STYXL2: variants seen among roughly 807,000 people sequenced by gnomAD.
STYXL2 encodes serine/threonine/tyrosine interacting like 2.
In STYXL2, 44 loss-of-function variants were observed where a neutral mutation model predicts 52.4. That is an observed-to-expected ratio of 0.84 (90% CI 0.66 to 1.08). STYXL2 has a LOEUF of 1.08. Ranked by LOEUF, STYXL2 falls within the 50% of genes least tolerant of loss-of-function variation. STYXL2 has a pLI of 0.00. For missense variants in STYXL2, 1,604 were observed against 1,471.7 expected (o/e 1.09, Z -1.47); for synonymous variants, 604 against 586.9 (o/e 1.03, Z -0.42).
Position 167,100,722 on chromosome 1 carries a change from T to C in STYXL2, c.110+5763T>C, listed in dbSNP as rs138018744. 6.2e-3 allele frequency among the ~76,000 whole-genome samples: 938 copies of C among 152,342 alleles called. 9 individuals are homozygous for C. The highest frequency in any genetic ancestry group is 0.021 in the African/African-American group (873 of 41,578). On this transcript the variant is annotated intron_variant, in intron 2 of 5. Transcript: ENST00000361200. ...ATCCAGAGCAAATGTTCTCTGGATT[T>C]GCAGTGACTGCTGCTGAATCCTGTT... is the stretch of plus-strand genomic sequence containing the variant.
intron 5 of STYXL2, among the ~76,000 whole-genome samples, chr1:167,123,931 T>C (rs1417077127): frequency 1.3e-5 from 2 of 152,076 alleles, no homozygotes; most frequent in East Asian, 1.9e-4. Flanking sequence ...TGTTTGTTTA[T>C]TTTTGAGACA....
chr1:167,099,158 C>T (rs1471849051), intron 2 of STYXL2, among the ~76,000 whole-genome samples: 1 of 151,454 alleles, frequency 6.6e-6, no homozygotes, highest in African/African-American at 2.4e-5. Flanking sequence ...AATAACACAG[C>T]CTCAAAATAT....
chr1:167,122,522 T>C (rs1260906435), intron 5 of STYXL2, among the ~76,000 whole-genome samples: 1 of 152,020 alleles, frequency 6.6e-6, no homozygotes, highest in Non-Finnish European at 1.5e-5. Flanking sequence ...GGATACCTTC[T>C]GAAGAAAGGG....
At chr1:167,108,941 C>G (rs1265787334) in intron 2 of STYXL2, among the ~76,000 whole-genome samples, 1 of 152,098 alleles carries the variant, frequency 6.6e-6, no homozygotes, top group Non-Finnish European at 1.5e-5. Context: ...TTAACCTTTC[C>G]TAGAGGTAAA....
chr1:167,110,047 AT>A (rs1332118016), intron 2 of STYXL2, among the ~76,000 whole-genome samples: 1 of 152,098 alleles, frequency 6.6e-6, no homozygotes, highest in Non-Finnish European at 1.5e-5. Context: ...ACATCACAGG[AT>A]TCTTTGTAGA....
At chr1:167,113,905 C>A in intron 3 of STYXL2, 101 bp downstream of exon 3, 2 of 898,906 alleles carry the variant, frequency 2.2e-6, no homozygotes, top group Non-Finnish European at 3.7e-6. Flanking sequence ...TCAGGTGCTG[C>A]CCATCACGTT....
At chr1:167,095,455 G>A (rs985281077) in intron 2 of STYXL2, among the ~76,000 whole-genome samples, 1 of 152,140 alleles carries the variant, frequency 6.6e-6, no homozygotes, top group African/African-American at 2.4e-5. Flanking sequence ...ACTGGGACAT[G>A]TGCATGCCTG....
chr1:167,095,587 G>GA (rs1277822570), intron 2 of STYXL2, among the ~76,000 whole-genome samples: 2 of 151,940 alleles, frequency 1.3e-5, no homozygotes, highest in Non-Finnish European at 1.5e-5. Flanking sequence ...CATGTAGAAT[G>GA]AAAAAAATGT....
chr1:167,113,149 G>A (rs1387745654), intron 2 of STYXL2, among the ~76,000 whole-genome samples: 1 of 151,186 alleles, frequency 6.6e-6, no homozygotes, highest in Non-Finnish European at 1.5e-5. Flanking sequence ...CATGTGCTCA[G>A]AATCAGTACC....
Position 167,128,833 on chromosome 1 carries a change from C to G in STYXL2, c.*225C>G. 1.6e-6 allele frequency: 1 copy of G among 614,354 alleles called. No homozygotes were observed. Among genetic ancestry groups the G allele is most frequent in the Non-Finnish European group, 2.7e-6 (1 of 374,130 alleles). The allele number at this position is 614,354 out of a possible 1,614,324, so 38.1% of individuals were successfully genotyped here. A position where few individuals can be genotyped will look rare whatever the true frequency, so the allele number is the denominator to read the frequency against. On this transcript the variant is annotated 3_prime_UTR_variant, in exon 6 of 6. Coordinates refer to ENST00000361200, the MANE Select transcript of STYXL2 (RefSeq NM_001080426.3). ...AATACGAGGTCCGAATGCGGACCAA[C>G]TGATACCATTTTCTGTTGCTCAGCG...
rs1667998788 is a variant in STYXL2, at chr1:167,127,409, G to A, written c.2278G>A (p.Ala760Thr). 1 of 1,614,130 alleles carries A rather than the reference G, an allele frequency of 6.2e-7. No homozygotes were observed. The highest frequency in any genetic ancestry group is 1.6e-4 in the Middle Eastern group (1 of 6,062). ...SVASMKAVPA[A>T]SCLGDDQVSM... ...TGCAAGCATGAAGGCAGTACCAGCG[G>A]CTAGCTGCCTGGGGGATGACCAAGT... is the stretch of plus-strand genomic sequence containing the variant. Residue 760 changes from alanine (A) to threonine (T), a missense_variant, in exon 6 of 6, where the codon GCT becomes ACT. Physicochemically the swap from Ala to Thr is moderately conservative, Grantham distance 58 (BLOSUM62 0). Transcript: ENST00000361200.
rs1389674774 is a variant in STYXL2 at position 167,128,920 on chromosome 1, T to C, written c.*312T>C. ...CAGTGTTCATCACAGGCTAGAGAGGTGAGCTTGGAAAAGCACTGTAGTTTG... is the reference window on the plus strand; with the variant it reads ...CAGTGTTCATCACAGGCTAGAGAGGCGAGCTTGGAAAAGCACTGTAGTTTG... On this transcript the variant is annotated 3_prime_UTR_variant, in exon 6 of 6. Transcript: ENST00000361200. The C allele has an allele frequency of 1.4e-5, 4 of 282,480 alleles. No individual in the cohort carries two copies. In the Admixed American group the frequency reaches 1.5e-4, roughly 10 times the overall value. 17.5% of individuals were successfully genotyped at this position (282,480 alleles called of 1,614,324 possible). A position where few individuals can be genotyped will look rare whatever the true frequency, so the allele number is the denominator to read the frequency against.
At chr1:167,105,709 G>A (rs1667494293) in intron 2 of STYXL2, among the ~76,000 whole-genome samples, 1 of 152,094 alleles carries the variant, frequency 6.6e-6, no homozygotes, top group Admixed American at 6.5e-5. Flanking sequence ...TTAATAAACC[G>A]TGTCTGTGGC....
At chr1:167,125,230 GA>G (rs1188655143) in intron 5 of STYXL2, among the ~76,000 whole-genome samples, 1 of 152,096 alleles carries the variant, frequency 6.6e-6, no homozygotes, top group Non-Finnish European at 1.5e-5. Flanking sequence ...CCTAACATAT[GA>G]AAAAAATTTT....
At chr1:167,115,544 C>T (rs1303163457) in intron 3 of STYXL2, among the ~76,000 whole-genome samples, 1 of 152,100 alleles carries the variant, frequency 6.6e-6, no homozygotes, top group African/African-American at 2.4e-5. Context: ...GAAACAACAA[C>T]CTGCTAGATA....
chr1:167,100,948 C>A (rs534418490), intron 2 of STYXL2, among the ~76,000 whole-genome samples: 1 of 152,312 alleles, frequency 6.6e-6, no homozygotes, highest in South Asian at 2.1e-4. Context: ...GAGCTATCAT[C>A]CAATCGATCC....
In STYXL2 at chr1:167,113,723, T is replaced by C; in HGVS notation, c.124T>C (p.Ser42Pro). Residue 42 changes from serine to proline, a missense_variant, in exon 3 of 6, where the codon TCA (serine) becomes CCA (proline). Coordinates refer to ENST00000361200, the MANE Select transcript of STYXL2 (RefSeq NM_001080426.3). ...SPSPSQYSMVSDAETESIFME... is the reference protein window; with the variant it reads ...SPSPSQYSMVPDAETESIFME... ...CTCTTCCCTTAGGTATTCGATGGTC[T>C]CAGATGCAGAAACAGAAAGCATTTT... 6.2e-7 allele frequency: 1 copy of C among 1,613,552 alleles called. No individual in the cohort carries two copies. The highest frequency in any genetic ancestry group is 1.1e-5 in the South Asian group (1 of 91,068).
chr1:167,105,039 C>T (rs1474472806), intron 2 of STYXL2, among the ~76,000 whole-genome samples: 6 of 146,260 alleles, frequency 4.1e-5, no homozygotes, highest in Admixed American at 2.0e-4. Context: ...TTTAAAAGTT[C>T]ACAAAACTAC....
chr1:167,113,800 T>C lies in STYXL2; in HGVS notation c.201T>C (p.Asn67=), dbSNP rs748098874. ...SSAIAAKQII[N]EELKPPGVRA... ...CCATTGCAGCCAAACAGATCATCAA[T>C]GAAGGTAATGCAATCAAAAGCTGGG... Residue 67 remains asparagine (N), a synonymous_variant, in exon 3 of 6, where the codon AAT becomes AAC. Coordinates refer to ENST00000361200, the MANE Select transcript of STYXL2 (RefSeq NM_001080426.3). 8 of 1,612,686 alleles carry C rather than the reference T, an allele frequency of 5.0e-6. No homozygotes were observed. The highest frequency in any genetic ancestry group is 5.9e-6 in the Non-Finnish European group (7 of 1,178,814).
Sources: gnomAD v4.1 joint callset for allele counts (sites outside exome capture counted in the v4.1 genomes callset) on GRCh38, gnomAD v4.1.1 for gene constraint, MANE v1.5 for transcripts, NCBI Gene and HGNC (gene_info 2026-07-23, HGNC 2026-07-21) for gene names.